The following POLDIP3 variants were observed in gnomAD, a reference collection of about 807,000 sequenced individuals.
POLDIP3 encodes polymerase delta-interacting protein 3.
In POLDIP3, 14 loss-of-function variants were observed where a neutral mutation model predicts 45.1. The ratio of observed to expected loss-of-function variants is 0.31; its 90% CI spans 0.20 to 0.49. The LOEUF is 0.49. POLDIP3 is among the 20% of genes least tolerant of loss of function. POLDIP3 has a pLI of 0.99. For synonymous variants in POLDIP3, 223 were observed against 205.2 expected (o/e 1.09, Z -0.74); for missense variants, 511 against 538.8 (o/e 0.95, Z 0.51).
intron 1 of POLDIP3, among the ~76,000 whole-genome samples, chr22:42,608,422 C>G (rs1399787520): frequency 2.7e-5 from 4 of 150,812 alleles, no homozygotes; most frequent in African/African-American, 9.8e-5. Context: ...GACCCTGTCT[C>G]AAAAATCAAA....
At chr22:42,588,152 G>A (rs552163727) in intron 7 of POLDIP3, among the ~76,000 whole-genome samples, 1 of 152,176 alleles carries the variant, frequency 6.6e-6, no homozygotes, top group Non-Finnish European at 1.5e-5. Flanking sequence ...AGCCACTGAA[G>A]AGGAACAAAA....
intron 1 of POLDIP3, among the ~76,000 whole-genome samples, chr22:42,607,882 G>A (rs1441143269): frequency 1.3e-5 from 2 of 151,032 alleles, no homozygotes; most frequent in Middle Eastern, 3.4e-3. Flanking sequence ...CAGCCGCCCC[G>A]TCTGGGAAGT....
At chr22:42,603,955 G>A (rs1926563161) in intron 1 of POLDIP3, among the ~76,000 whole-genome samples, 1 of 151,998 alleles carries the variant, frequency 6.6e-6, no homozygotes, top group Non-Finnish European at 1.5e-5. Context: ...TTTTTAACTG[G>A]AAATGAATGA....
chr22:42,608,736 T>C (rs538935643), intron 1 of POLDIP3, among the ~76,000 whole-genome samples: 1 of 152,154 alleles, frequency 6.6e-6, no homozygotes, highest in Admixed American at 6.5e-5. Flanking sequence ...CCAAGATGCT[T>C]TGTGCTGGCA....
At chr22:42,599,628 T>C in intron 4 of POLDIP3, 70 bp downstream of exon 4, 2 of 1,164,362 alleles carry the variant, frequency 1.7e-6, no homozygotes, top group Non-Finnish European at 1.3e-6. Context: ...AAACAACAGG[T>C]TCTATTCAAC....
intron 1 of POLDIP3, among the ~76,000 whole-genome samples, chr22:42,608,755 TATTTGAACAGCCTAAAAGGCAC>T (rs2146834969): frequency 6.6e-6 from 1 of 152,188 alleles, no homozygotes; most frequent in African/African-American, 2.4e-5. Context: ...CATTTTTATC[TATTTGAACAGCCTAAAAGGCAC>T]ATTTAGGGGT....
intron 3 of POLDIP3, 32 bp downstream of exon 3, chr22:42,601,938 T>G: frequency 1.3e-6 from 2 of 1,566,410 alleles, no homozygotes; most frequent in Non-Finnish European, 1.7e-6. Context: ...TACACACAGA[T>G]TCTCTCTCTC....
intron 8 of POLDIP3, 120 bp from the exon 9 acceptor site, chr22:42,586,088 C>A (rs1925293535): frequency 1.1e-6 from 1 of 880,298 alleles, no homozygotes; most frequent in Non-Finnish European, 1.7e-6. Flanking sequence ...TTTCCATACC[C>A]CTTCATCTCA....
At chr22:42,607,899 C>T (rs1445938739) in intron 1 of POLDIP3, among the ~76,000 whole-genome samples, 4 of 150,184 alleles carry the variant, frequency 2.7e-5, no homozygotes, top group East Asian at 2.0e-4. Flanking sequence ...AAGTGAGGAG[C>T]GTCTCCGCCC....
chr22:42,595,772 C>A (rs964971938), intron 5 of POLDIP3, among the ~76,000 whole-genome samples, 158 bp from the exon 6 acceptor site: 1 of 152,174 alleles, frequency 6.6e-6, no homozygotes, highest in African/African-American at 2.4e-5. Context: ...ACTACACCCC[C>A]CATCACTCTA....
intron 1 of POLDIP3, among the ~76,000 whole-genome samples, 191 bp downstream of exon 1, chr22:42,614,608 C>G (rs1366326460): frequency 6.6e-6 from 1 of 152,114 alleles, no homozygotes; most frequent in African/African-American, 2.4e-5. Context: ...GCCAGAGGGA[C>G]TGCGCCTCGG....
At position 42,587,407 on chromosome 22, in the gene POLDIP3, G is replaced by C. The variant is rs569454540; in HGVS notation, c.1088+99C>G. The C allele has an allele frequency of 1.6e-3, 1,976 of 1,217,670 alleles. 4 individuals are homozygous for C. Among genetic ancestry groups the C allele is most frequent in the Middle Eastern group, 3.3e-3 (12 of 3,630 alleles). The allele number at this position is 1,217,670 out of a possible 1,614,324, so 75.4% of individuals were successfully genotyped here. ...CCATTAGAACAGAGGAAACGGAATG[G>C]GGGGATGAAGGGGAGCTGTGATGCA... On this transcript the variant is annotated intron_variant, in intron 8 of 8. Coordinates refer to ENST00000252115, the MANE Select transcript of POLDIP3 (RefSeq NM_032311.5).
At chr22:42,604,219 G>A (rs1473536227) in intron 1 of POLDIP3, among the ~76,000 whole-genome samples, 1 of 152,158 alleles carries the variant, frequency 6.6e-6, no homozygotes, top group African/African-American at 2.4e-5. Flanking sequence ...ATTTCTCCAG[G>A]CCAACTCTCC....
rs1345917874 is a variant in POLDIP3 at position 42,583,730 on chromosome 22, C to G, written c.*2061G>C. 1 of 125,998 alleles carries G rather than the reference C, an allele frequency of 7.9e-6. No individual in the cohort carries two copies. Among genetic ancestry groups the G allele is most frequent in the Non-Finnish European group, 1.7e-5 (1 of 57,162 alleles). 7.8% of individuals were successfully genotyped at this position (125,998 alleles called of 1,614,324 possible). ...AAAGATAACTCAAAGGTAGGAATAACAAATGTTTATTCAGAAATGGATAAG... is the reference window on the plus strand; with the variant it reads ...AAAGATAACTCAAAGGTAGGAATAAGAAATGTTTATTCAGAAATGGATAAG... On this transcript the variant is annotated 3_prime_UTR_variant, in exon 9 of 9. Transcript: ENST00000252115.
chr22:42,606,536 C>T (rs1475697095), intron 1 of POLDIP3, among the ~76,000 whole-genome samples: 1 of 152,208 alleles, frequency 6.6e-6, no homozygotes, highest in Non-Finnish European at 1.5e-5. Flanking sequence ...AGCAGGAAGA[C>T]CACCTGAGCC....
intron 1 of POLDIP3, among the ~76,000 whole-genome samples, chr22:42,607,135 C>A (rs1926781719): frequency 6.6e-6 from 1 of 152,198 alleles, no homozygotes; most frequent in Admixed American, 6.5e-5. Context: ...CCCCCTCCCC[C>A]TCTCCCCAGT....
chr22:42,589,867 T>G (rs1925560723), intron 7 of POLDIP3, among the ~76,000 whole-genome samples: 1 of 142,020 alleles, frequency 7.0e-6, no homozygotes, highest in African/African-American at 2.6e-5. Flanking sequence ...AGAACCTCAG[T>G]ATTTCACTTT....
At chr22:42,600,659 A>G (rs1429308119) in intron 3 of POLDIP3, among the ~76,000 whole-genome samples, 3 of 146,232 alleles carry the variant, frequency 2.1e-5, no homozygotes, top group Non-Finnish European at 4.5e-5. Flanking sequence ...CCACAACCAC[A>G]ACTATGAGTT....
chr22:42,593,621 T>C (rs1315117960), intron 6 of POLDIP3, among the ~76,000 whole-genome samples: 2 of 152,174 alleles, frequency 1.3e-5, no homozygotes, highest in Non-Finnish European at 2.9e-5. Flanking sequence ...AGGTTCTAAG[T>C]GATTCTCCTG....
Sources: allele counts gnomAD v4.1 joint callset (sites outside exome capture counted in the v4.1 genomes callset), GRCh38; gene constraint gnomAD v4.1.1; transcripts MANE v1.5; gene names NCBI Gene and HGNC (gene_info 2026-07-23, HGNC 2026-07-21).